Variants in KAT6B observed in about 807,000 individuals in gnomAD.
KAT6B encodes lysine acetyltransferase 6B, also known as histone acetyltransferase KAT6B.
A neutral mutation model predicts 187.5 loss-of-function variants in KAT6B; 10 were observed. The observed-to-expected ratio is 0.05, with a 90% CI of 0.03 to 0.09. The LOEUF (loss-of-function observed/expected upper bound fraction) is 0.09. Among genes scored for constraint, KAT6B ranks in the 10% least tolerant of loss-of-function variants. The pLI is 1.00. For missense variants in KAT6B, 1,952 were observed against 2,558.9 expected (o/e 0.76, Z 5.12); for synonymous variants, 861 against 926.8 (o/e 0.93, Z 1.29).
chr10:74,858,028 T>TA (rs1043358937), intron 3 of KAT6B, among the ~76,000 whole-genome samples: 51 of 145,136 alleles, frequency 3.5e-4, no homozygotes, highest in East Asian at 4.0e-4. Context: ...ATTTCTTAAT[T>TA]AAAAAAAAAA....
chr10:75,015,708 C>T (rs1271255939), intron 13 of KAT6B, among the ~76,000 whole-genome samples: 1 of 152,184 alleles, frequency 6.6e-6, no homozygotes, highest in East Asian at 1.9e-4. Flanking sequence ...TGATACAGAC[C>T]TTTCAGCAGG....
At chr10:74,856,480 T>C (rs1842835642) in intron 3 of KAT6B, among the ~76,000 whole-genome samples, 1 of 152,196 alleles carries the variant, frequency 6.6e-6, no homozygotes, top group African/African-American at 2.4e-5. Flanking sequence ...TCCCTCCTTT[T>C]TGCTTCTGAA....
chr10:74,862,996 C>T (rs1054825299), intron 3 of KAT6B, among the ~76,000 whole-genome samples: 5 of 152,156 alleles, frequency 3.3e-5, no homozygotes, highest in African/African-American at 7.2e-5. Context: ...GGCTAGAATC[C>T]GTTTCTCTTT....
chr10:74,970,363 C>G (rs1479158603), intron 6 of KAT6B, among the ~76,000 whole-genome samples: 1 of 151,988 alleles, frequency 6.6e-6, no homozygotes, highest in Non-Finnish European at 1.5e-5. Context: ...GACCATCTCT[C>G]TCTCCAAACC....
chr10:74,864,279 G>A (rs117646239), intron 3 of KAT6B, among the ~76,000 whole-genome samples: 211 of 151,430 alleles, frequency 1.4e-3, no homozygotes, highest in Non-Finnish European at 2.7e-3. Context: ...TCTCACTGTC[G>A]CCTAGGTTGG....
chr10:74,926,246 G>A (rs1848497354), intron 3 of KAT6B, among the ~76,000 whole-genome samples: 1 of 152,222 alleles, frequency 6.6e-6, no homozygotes, highest in Admixed American at 6.5e-5. Flanking sequence ...CTGAGGTCAG[G>A]AGTTCAAGAC....
In KAT6B at chr10:74,830,007, ACT is replaced by A. The variant is rs752249568; in HGVS notation, c.-329+3225_-329+3226del. 3.5e-5 allele frequency among the ~76,000 whole-genome samples: 5 copies of A among 142,190 alleles called. No homozygotes were observed. In the South Asian group the frequency reaches 6.9e-4, roughly 20 times the overall value. 93.3% of individuals were successfully genotyped at this position (142,190 alleles called of 152,430 possible). A position where few individuals can be genotyped will look rare whatever the true frequency, so the allele number is the denominator to read the frequency against. ...CACTCCAGCCTGGCGACAGAGCGAG[ACT>A]CTGTCTCAAAAAAAAAAAAACAAAA... On this transcript the variant is annotated intron_variant, in intron 1 of 17. Coordinates refer to ENST00000287239, the MANE Select transcript of KAT6B (RefSeq NM_012330.4).
intron 3 of KAT6B, among the ~76,000 whole-genome samples, chr10:74,921,996 G>A (rs1050397182): frequency 6.6e-6 from 1 of 152,184 alleles, no homozygotes; most frequent in African/African-American, 2.4e-5. Flanking sequence ...AGCAGGGGGT[G>A]GAGATAAGAC....
At chr10:74,838,903 C>G (rs910603888) in intron 2 of KAT6B, among the ~76,000 whole-genome samples, 151 bp downstream of exon 2, 1 of 152,038 alleles carries the variant, frequency 6.6e-6, no homozygotes, top group Non-Finnish European at 1.5e-5. Context: ...GCCTGTAATC[C>G]CAGCACTTTG....
chr10:74,866,331 T>C (rs1226014714), intron 3 of KAT6B, among the ~76,000 whole-genome samples: 3 of 151,826 alleles, frequency 2.0e-5, no homozygotes, highest in East Asian at 3.9e-4. Flanking sequence ...TACTTTCAAA[T>C]GGTTCAGCAA....
intron 3 of KAT6B, among the ~76,000 whole-genome samples, chr10:74,849,010 G>A (rs1842298034): frequency 6.6e-6 from 1 of 152,058 alleles, no homozygotes; most frequent in Non-Finnish European, 1.5e-5. Flanking sequence ...GAGACAGAGT[G>A]TCACTGTGTC....
At chr10:74,838,307 T>C (rs1468457444) in intron 1 of KAT6B, among the ~76,000 whole-genome samples, 1 of 152,196 alleles carries the variant, frequency 6.6e-6, no homozygotes, top group Non-Finnish European at 1.5e-5. Context: ...TGACTGTCTT[T>C]TTTTCTGATA....
At chr10:74,869,247 G>GT (rs112403714) in intron 3 of KAT6B, among the ~76,000 whole-genome samples, 18 of 149,414 alleles carry the variant, frequency 1.2e-4, no homozygotes, top group East Asian at 3.9e-4. Flanking sequence ...CAGCTATGCA[G>GT]TTTTTTTTTT....
chr10:74,868,764 A>G (rs762272696), intron 3 of KAT6B, among the ~76,000 whole-genome samples: 3 of 152,252 alleles, frequency 2.0e-5, no homozygotes, highest in East Asian at 3.9e-4. Flanking sequence ...CGCCGTTTAT[A>G]TATGCTCTTT....
At chr10:74,997,657 A>G (rs1479591079) in intron 13 of KAT6B, among the ~76,000 whole-genome samples, 2 of 152,188 alleles carry the variant, frequency 1.3e-5, no homozygotes, top group Non-Finnish European at 2.9e-5. Flanking sequence ...TGCCTACCAC[A>G]CTAACAAAGA....
intron 7 of KAT6B, among the ~76,000 whole-genome samples, chr10:74,973,202 T>C (rs1564598117): frequency 6.6e-6 from 1 of 152,204 alleles, no homozygotes; most frequent in East Asian, 1.9e-4. Context: ...CAGACATATA[T>C]ATAAAATAAT....
At chr10:74,873,447 A>G (rs905010550) in intron 3 of KAT6B, among the ~76,000 whole-genome samples, 10 of 139,878 alleles carry the variant, frequency 7.1e-5, no homozygotes, top group Admixed American at 6.9e-5. Flanking sequence ...TCTGAGCAGC[A>G]GCAAAATAAA....
chr10:74,906,966 A>G (rs933539894), intron 3 of KAT6B, among the ~76,000 whole-genome samples: 4 of 152,150 alleles, frequency 2.6e-5, no homozygotes, highest in Non-Finnish European at 5.9e-5. Context: ...CCTTTACTGC[A>G]TTTCAGCAGT....
intron 15 of KAT6B, 150 bp from the exon 16 acceptor site, chr10:75,021,731 A>G: frequency 1.3e-6 from 1 of 762,262 alleles, no homozygotes; most frequent in Non-Finnish European, 2.3e-6. Context: ...ACTGATGCAA[A>G]AGGTTCCTGA....
Sources: allele counts gnomAD v4.1 joint callset (sites outside exome capture counted in the v4.1 genomes callset), GRCh38; gene constraint gnomAD v4.1.1; transcripts MANE v1.5; gene names NCBI Gene and HGNC (gene_info 2026-07-23, HGNC 2026-07-21).